Variants in SLC26A4 observed in about 807,000 individuals in gnomAD.
The protein encoded by SLC26A4 is pendrin.
In SLC26A4, 93 loss-of-function variants were observed where a neutral mutation model predicts 90.4. The ratio of observed to expected loss-of-function variants is 1.03; its 90% CI spans 0.87 to 1.22. The LOEUF is 1.22. Among genes scored for constraint, SLC26A4 ranks in the 50% most tolerant of loss-of-function variants. The pLI, the probability that SLC26A4 is intolerant of heterozygous loss-of-function variation, is 0.00. For synonymous variants in SLC26A4, 393 were observed against 354.6 expected (o/e 1.11, Z -1.22); for missense variants, 1,127 against 946.2 (o/e 1.19, Z -2.51).
intron 8 of SLC26A4, among the ~76,000 whole-genome samples, chr7:107,684,731 T>A (rs1791349211): frequency 6.6e-6 from 1 of 152,204 alleles, no homozygotes; most frequent in African/African-American, 2.4e-5. Context: ...GTGCCTCAAG[T>A]GATTCTTGCC....
chr7:107,702,196 A>G (rs1791913707), intron 17 of SLC26A4, 139 bp downstream of exon 17: 1 of 710,958 alleles, frequency 1.4e-6, no homozygotes, highest in East Asian at 2.7e-5. Context: ...AAAGTGTAAT[A>G]TTTTAAAGCA....
intron 3 of SLC26A4, among the ~76,000 whole-genome samples, chr7:107,669,014 G>C (rs1227320033): frequency 6.6e-6 from 1 of 152,018 alleles, no homozygotes; most frequent in African/African-American, 2.4e-5. Flanking sequence ...CTGGAGTGTA[G>C]TGGTATGACC....
intron 18 of SLC26A4, 117 bp downstream of exon 18, chr7:107,704,502 C>G (rs1232109988): frequency 1.6e-6 from 1 of 613,298 alleles, no homozygotes; most frequent in Non-Finnish European, 2.9e-6. Context: ...TTAAAGATCT[C>G]AATTGTCATT....
chr7:107,663,239 G>C, intron 2 of SLC26A4, 57 bp from the exon 3 acceptor site: 1 of 1,597,700 alleles, frequency 6.3e-7, no homozygotes, highest in South Asian at 1.1e-5. Context: ...TTTGTGATTT[G>C]CAAATTGGTT....
At chr7:107,697,968 G>C (rs1791785185) in intron 13 of SLC26A4, 74 bp from the exon 14 acceptor site, 3 of 897,344 alleles carry the variant, frequency 3.3e-6, no homozygotes, top group African/African-American at 1.6e-5. Context: ...CTCTTTAGTA[G>C]CTGTTGTTTT....
At position 107,680,419 on chromosome 7, in the gene SLC26A4, A is replaced by G. The variant is rs949808255; in HGVS notation, c.766-2783A>G. On this transcript the variant is annotated intron_variant, in intron 6 of 20. Transcript: ENST00000644269. ...TAATCTTATCTTATTATATAATCTT[A>G]TATTATTATATAAGTATAATCTTTT... 2.8e-4 allele frequency among the ~76,000 whole-genome samples: 40 copies of G among 144,560 alleles called. No individual in the cohort carries two copies. In the East Asian group the frequency reaches 6.1e-3, roughly 22 times the overall value. 94.8% of individuals were successfully genotyped at this position (144,560 alleles called of 152,430 possible). A position where few individuals can be genotyped will look rare whatever the true frequency, so the allele number is the denominator to read the frequency against.
chr7:107,690,457 T>A lies in SLC26A4; in HGVS notation c.1263+220T>A, dbSNP rs567347938. On this transcript the variant is annotated intron_variant, in intron 10 of 20. Transcript: ENST00000644269. Reference sequence around the variant, plus strand: ...TGATACAGTGATTCTCAAATCTATTTGTCAGTGCTTACCTGTCATGTAGCT... The same window carrying A: ...TGATACAGTGATTCTCAAATCTATTAGTCAGTGCTTACCTGTCATGTAGCT... Among the ~76,000 whole-genome samples, 4 of 152,348 alleles carry A rather than the reference T, an allele frequency of 2.6e-5. No individual in the cohort carries two copies. In the South Asian group the frequency reaches 8.3e-4, roughly 32 times the overall value.
In SLC26A4 at chr7:107,715,451, G is replaced by T; in HGVS notation, c.*5G>T. The T allele has an allele frequency of 1.2e-6, 2 of 1,611,906 alleles. No individual in the cohort carries two copies. Among genetic ancestry groups the T allele is most frequent in the Non-Finnish European group, 1.7e-6 (2 of 1,177,988 alleles). On this transcript the variant is annotated 3_prime_UTR_variant, in exon 21 of 21. Coordinates refer to ENST00000644269, the MANE Select transcript of SLC26A4 (RefSeq NM_000441.2). ...ATGCGTACACTTGCATCCTGAAAGT[G>T]GGTTCGGGAGGTCTCTATGAGCAAG...
At chr7:107,694,507 A>C (rs1482313891) in intron 11 of SLC26A4, 27 bp downstream of exon 11, 1 of 1,581,514 alleles carries the variant, frequency 6.3e-7, no homozygotes, top group African/African-American at 1.3e-5. Flanking sequence ...CTGCATACCG[A>C]TTGCATAATT....
intron 4 of SLC26A4, among the ~76,000 whole-genome samples, 191 bp downstream of exon 4, chr7:107,672,439 G>A (rs937193102): frequency 3.3e-5 from 5 of 150,742 alleles, no homozygotes; most frequent in African/African-American, 1.2e-4. Context: ...CAGGGAAATG[G>A]GATTTCAGTG....
At chr7:107,707,905 G>A (rs184315625) in intron 18 of SLC26A4, among the ~76,000 whole-genome samples, 2 of 152,172 alleles carry the variant, frequency 1.3e-5, no homozygotes, top group Admixed American at 6.5e-5. Context: ...AATACCAAAG[G>A]TTTAAAACAT....
chr7:107,678,728 T>A (rs1257016317), intron 6 of SLC26A4, among the ~76,000 whole-genome samples: 1 of 116,672 alleles, frequency 8.6e-6, no homozygotes, highest in Admixed American at 9.3e-5. Flanking sequence ...AATATAAGTT[T>A]GCTCTTCTGA....
Position 107,698,057 on chromosome 7 carries a change from C to T in SLC26A4, c.1560C>T (p.Gly520=). The T allele has an allele frequency of 1.2e-6, 2 of 1,607,826 alleles. No homozygotes were observed. Among genetic ancestry groups the T allele is most frequent in the African/African-American group, 1.3e-5 (1 of 74,898 alleles). The change falls in exon 14 of 21, where the codon GGC becomes GGT. Residue 520 remains glycine, a synonymous_variant. Transcript: ENST00000644269. ...VLRVQFPSWN[G]LGSIPSTDIY... ...TTTCTTCTAGTCCTTCTTGGAATGG[C>T]CTTGGAAGCATCCCTAGCACAGATA...
chr7:107,704,728 A>T (rs1237122855), intron 18 of SLC26A4, among the ~76,000 whole-genome samples: 1 of 152,204 alleles, frequency 6.6e-6, no homozygotes, highest in Non-Finnish European at 1.5e-5. Context: ...ACATGAGGTC[A>T]TGTCAGGATA....
At chr7:107,700,993 T>C (rs987070251) in intron 15 of SLC26A4, 108 bp from the exon 16 acceptor site, 2 of 748,190 alleles carry the variant, frequency 2.7e-6, no homozygotes, top group African/African-American at 3.4e-5. Context: ...TTTGGCAGGA[T>C]AGCTCAAGGA....
At chr7:107,667,678 A>G (rs909903983) in intron 3 of SLC26A4, among the ~76,000 whole-genome samples, 1 of 152,096 alleles carries the variant, frequency 6.6e-6, no homozygotes, top group African/African-American at 2.4e-5. Context: ...GACCTAGTAG[A>G]AAGAAAGAGA....
At chr7:107,679,902 A>ATCT (rs1562826836) in intron 6 of SLC26A4, among the ~76,000 whole-genome samples, 6 of 130,780 alleles carry the variant, frequency 4.6e-5, no homozygotes, top group Non-Finnish European at 9.5e-5. Context: ...ATATAATCTT[A>ATCT]TATTATATGC....
rs397516412 is a variant in SLC26A4, at chr7:107,689,105, G to A, written c.1054G>A (p.Ala352Thr). ...GAGCTTGTTCTCGGAGATGCTGGCT[G>A]CATCATTTTCCATCGCTGTGGTGGC... Reference protein sequence around the residue: ...PVSLFSEMLAASFSIAVVAYA... With the variant: ...PVSLFSEMLATSFSIAVVAYA... Residue 352 changes from alanine to threonine, a missense_variant, in exon 9 of 21, where the codon GCA (alanine) becomes ACA (threonine). Coordinates refer to ENST00000644269, the MANE Select transcript of SLC26A4 (RefSeq NM_000441.2). 5 of 1,613,832 alleles carry A rather than the reference G, an allele frequency of 3.1e-6. No individual in the cohort carries two copies. The African/African-American group carries it at 4.0e-5, about 13-fold the overall frequency.
At chr7:107,678,756 C>T (rs1791093064) in intron 6 of SLC26A4, among the ~76,000 whole-genome samples, 2 of 150,162 alleles carry the variant, frequency 1.3e-5, no homozygotes, top group Non-Finnish European at 3.0e-5. Flanking sequence ...AAAAAATCAG[C>T]AGGTCTGAAA....
Sources: gnomAD v4.1 joint callset for allele counts (sites outside exome capture counted in the v4.1 genomes callset) on GRCh38, gnomAD v4.1.1 for gene constraint, MANE v1.5 for transcripts, NCBI Gene and HGNC (gene_info 2026-07-23, HGNC 2026-07-21) for gene names.